Variants in GYS2 observed in about 807,000 individuals in gnomAD.
The protein encoded by GYS2 is glycogen synthase 2, also known as glycogen [starch] synthase, liver.
In GYS2, 80 loss-of-function variants were observed where a neutral mutation model predicts 85.6. The ratio of observed to expected loss-of-function variants is 0.93; its 90% CI spans 0.78 to 1.13. The LOEUF is 1.13. GYS2 is among the 50% of genes most tolerant of loss of function. The pLI, the probability that GYS2 is intolerant of heterozygous loss-of-function variation, is 0.00. For missense variants in GYS2, 881 were observed against 854.9 expected (o/e 1.03, Z -0.38); for synonymous variants, 328 against 300.7 (o/e 1.09, Z -0.94).
At chr12:21,599,971 GA>G (rs1240867202) in intron 1 of GYS2, among the ~76,000 whole-genome samples, 1 of 152,114 alleles carries the variant, frequency 6.6e-6, no homozygotes, top group Non-Finnish European at 1.5e-5. Context: ...TATATATGGA[GA>G]AACTGAGGCA....
intron 2 of GYS2, 34 bp downstream of exon 2, chr12:21,580,308 T>C (rs751334550): frequency 5.7e-6 from 9 of 1,566,796 alleles, no homozygotes; most frequent in Admixed American, 5.0e-5. Flanking sequence ...ATAAGTTTAC[T>C]GAGAATTGCC....
chr12:21,574,762 C>G (rs889249491), intron 3 of GYS2, among the ~76,000 whole-genome samples: 4 of 151,234 alleles, frequency 2.6e-5, no homozygotes, highest in Non-Finnish European at 5.9e-5. Context: ...TTTTAATTGA[C>G]TAGACTTGTG....
chr12:21,540,622 A>G, intron 13 of GYS2, 49 bp from the exon 14 acceptor site: 1 of 1,512,382 alleles, frequency 6.6e-7, no homozygotes, highest in Non-Finnish European at 9.2e-7. Flanking sequence ...ACTAACCTTA[A>G]ACATTTGTTC....
At chr12:21,582,040 C>A (rs142629194) in intron 1 of GYS2, among the ~76,000 whole-genome samples, 3 of 151,814 alleles carry the variant, frequency 2.0e-5, no homozygotes, top group Middle Eastern at 3.4e-3. Flanking sequence ...CGCAAAAGAC[C>A]GAATCAACAG....
At position 21,573,133 on chromosome 12, in the gene GYS2, A is replaced by G. The variant is rs149245096; in HGVS notation, c.678+1011T>C. Among the ~76,000 whole-genome samples the G allele has an allele frequency of 3.9e-3, 595 of 152,298 alleles. 3 individuals are homozygous for G. Among genetic ancestry groups the G allele is most frequent in the Non-Finnish European group, 6.1e-3 (416 of 68,010 alleles). On this transcript the variant is annotated intron_variant, in intron 4 of 15. Transcript: ENST00000261195. ...TCATCAGGACCACTCATTGCTTTAC[A>G]GATGTTAAAGTTTTTCAGAAAGAAC...
intron 1 of GYS2, among the ~76,000 whole-genome samples, chr12:21,586,220 C>A (rs1944571004): frequency 6.6e-6 from 1 of 152,064 alleles, no homozygotes; most frequent in East Asian, 1.9e-4. Context: ...ATGTGAAAAT[C>A]CTGGACTGGC....
At chr12:21,588,777 T>C (rs1298296154) in intron 1 of GYS2, among the ~76,000 whole-genome samples, 1 of 152,228 alleles carries the variant, frequency 6.6e-6, no homozygotes, top group Non-Finnish European at 1.5e-5. Context: ...TAAATTGATG[T>C]CATCTACTAC....
intron 5 of GYS2, 44 bp from the exon 6 acceptor site, chr12:21,563,389 A>G: frequency 1.0e-6 from 1 of 977,852 alleles, no homozygotes. Flanking sequence ...CTCTTTTCAA[A>G]GAGGGTACCA....
intron 7 of GYS2, 60 bp from the exon 8 acceptor site, chr12:21,560,552 A>G: frequency 1.2e-6 from 1 of 828,838 alleles, no homozygotes; most frequent in Non-Finnish European, 2.2e-6. Context: ...AGTATGATAG[A>G]TGGAACTTAA....
chr12:21,575,429 A>G (rs1944433691), intron 3 of GYS2, among the ~76,000 whole-genome samples: 1 of 152,214 alleles, frequency 6.6e-6, no homozygotes, highest in Non-Finnish European at 1.5e-5. Flanking sequence ...AAGAAGGCTG[A>G]GCAGAGAATT....
chr12:21,590,730 C>G (rs961372844), intron 1 of GYS2, among the ~76,000 whole-genome samples: 3 of 152,130 alleles, frequency 2.0e-5, no homozygotes, highest in Non-Finnish European at 4.4e-5. Flanking sequence ...CCATGGGGCC[C>G]AAGGACAGGA....
intron 5 of GYS2, among the ~76,000 whole-genome samples, chr12:21,568,453 A>G (rs1282747517): frequency 6.6e-6 from 1 of 152,186 alleles, no homozygotes; most frequent in Admixed American, 6.5e-5. Context: ...AAGTAATATA[A>G]AACGTTTCTA....
chr12:21,576,211 G>C (rs541966773), intron 2 of GYS2, among the ~76,000 whole-genome samples, 154 bp from the exon 3 acceptor site: 3 of 152,188 alleles, frequency 2.0e-5, no homozygotes, highest in Non-Finnish European at 4.4e-5. Context: ...AGCCTCTGCT[G>C]TTTGAGCCTC....
rs142563080 is a variant in GYS2, at chr12:21,584,847, C to A, written c.122-4324G>T. Among the ~76,000 whole-genome samples, 1,250 of 152,320 alleles carry A rather than the reference C, an allele frequency of 8.2e-3. 15 individuals carry two copies. Among genetic ancestry groups the A allele is most frequent in the African/African-American group, 0.028 (1,182 of 41,562 alleles). On this transcript the variant is annotated intron_variant, in intron 1 of 15. Transcript: ENST00000261195. Reference sequence around the variant, plus strand: ...TGTCATGGTATTCCACACAGCATTGCTTCTGACCAAGCCACTCACTTTATG... The same window carrying A: ...TGTCATGGTATTCCACACAGCATTGATTCTGACCAAGCCACTCACTTTATG...
chr12:21,533,791 A>C (rs1190631993), downstream of GYS2, among the ~76,000 whole-genome samples: 2 of 152,258 alleles, frequency 1.3e-5, no homozygotes, highest in African/African-American at 4.8e-5. Context: ...CTAAAACAAA[A>C]TACCACAAAC....
intron 5 of GYS2, among the ~76,000 whole-genome samples, chr12:21,566,942 A>T (rs1166492687): frequency 6.6e-6 from 1 of 152,198 alleles, no homozygotes; most frequent in Admixed American, 6.5e-5. Context: ...ATCTTGGAGA[A>T]TGTCCACTTT....
chr12:21,567,620 C>CA (rs1310382965), intron 5 of GYS2, among the ~76,000 whole-genome samples: 5 of 150,484 alleles, frequency 3.3e-5, no homozygotes, highest in Non-Finnish European at 7.4e-5. Context: ...GACAAGACCA[C>CA]AGAAATTAAG....
chr12:21,562,460 G>T (rs1430795324), intron 7 of GYS2, among the ~76,000 whole-genome samples: 1 of 152,088 alleles, frequency 6.6e-6, no homozygotes, highest in Non-Finnish European at 1.5e-5. Flanking sequence ...TCATAACAAG[G>T]TTCAGTATTA....
chr12:21,594,713 C>T (rs1331308921), intron 1 of GYS2, among the ~76,000 whole-genome samples: 2 of 152,050 alleles, frequency 1.3e-5, no homozygotes, highest in Non-Finnish European at 2.9e-5. Context: ...ATCAAAATAG[C>T]AATGTCATTT....
Sources: gnomAD v4.1 joint callset for allele counts (sites outside exome capture counted in the v4.1 genomes callset) on GRCh38, gnomAD v4.1.1 for gene constraint, MANE v1.5 for transcripts, NCBI Gene and HGNC (gene_info 2026-07-23, HGNC 2026-07-21) for gene names.